Variants in VKORC1L1 observed in about 807,000 individuals in gnomAD.
VKORC1L1 encodes the protein vitamin K epoxide reductase complex subunit 1L1, also known as vitamin K epoxide reductase complex subunit 1-like protein 1.
In VKORC1L1, 2 loss-of-function variants were observed where a neutral mutation model predicts 18.9. The observed-to-expected ratio is 0.11, with a 90% CI of 0.04 to 0.33. The LOEUF is 0.33. VKORC1L1 is among the 10% of genes least tolerant of loss of function. The pLI, the probability that VKORC1L1 is intolerant of heterozygous loss-of-function variation, is 1.00. For missense variants in VKORC1L1, 123 were observed against 224.1 expected (o/e 0.55, Z 2.88); for synonymous variants, 96 against 100.0 (o/e 0.96, Z 0.24).
At chr7:65,870,959 A>G (rs1364871365), upstream of VKORC1L1, among the ~76,000 whole-genome samples, 1 of 151,976 alleles carries the variant, frequency 6.6e-6, no homozygotes, top group Non-Finnish European at 1.5e-5. Flanking sequence ...AATTTTGTAT[A>G]TATTTTTGCA....
At chr7:65,949,279 A>T (rs1024400588) in intron 2 of VKORC1L1, among the ~76,000 whole-genome samples, 3 of 152,074 alleles carry the variant, frequency 2.0e-5, no homozygotes, top group Non-Finnish European at 4.4e-5. Flanking sequence ...TGGGAGTTCG[A>T]GACCAGCCTG....
chr7:65,932,360 A>T (rs772218080), intron 1 of VKORC1L1, among the ~76,000 whole-genome samples: 1 of 152,056 alleles, frequency 6.6e-6, no homozygotes, highest in Non-Finnish European at 1.5e-5. Flanking sequence ...GGCCTCCCAG[A>T]GTGCTGAGAT....
At chr7:65,922,912 T>G in intron 1 of VKORC1L1, among the ~76,000 whole-genome samples, 1 of 152,190 alleles carries the variant, frequency 6.6e-6, no homozygotes, top group East Asian at 1.9e-4. Context: ...GGTTCAACTC[T>G]TCTTGAATCT....
chr7:65,898,506 G>T (rs1789256195), intron 1 of VKORC1L1, among the ~76,000 whole-genome samples: 1 of 152,106 alleles, frequency 6.6e-6, no homozygotes, highest in Non-Finnish European at 1.5e-5. Flanking sequence ...CACCGTTTGT[G>T]TATGGGTGTG....
intron 1 of VKORC1L1, among the ~76,000 whole-genome samples, chr7:65,914,197 G>A (rs1789550066): frequency 6.6e-6 from 1 of 152,036 alleles, no homozygotes; most frequent in South Asian, 2.1e-4. Context: ...GGGCTCAAGC[G>A]ATCCTCCCAC....
intron 1 of VKORC1L1, among the ~76,000 whole-genome samples, chr7:65,915,073 A>C (rs945017528): frequency 4.0e-5 from 5 of 124,298 alleles, no homozygotes; most frequent in Non-Finnish European, 7.0e-5. Flanking sequence ...TTGTGAGCTT[A>C]TTTTTTTTCT....
At chr7:65,879,037 G>T (rs1788878578) in intron 1 of VKORC1L1, among the ~76,000 whole-genome samples, 1 of 151,900 alleles carries the variant, frequency 6.6e-6, no homozygotes, top group Non-Finnish European at 1.5e-5. Context: ...CCGCTCAGTA[G>T]ACCGCTGTGA....
chr7:65,919,526 T>C (rs1342204547), intron 1 of VKORC1L1, among the ~76,000 whole-genome samples: 2 of 152,144 alleles, frequency 1.3e-5, no homozygotes, highest in South Asian at 2.1e-4. Context: ...CTCTGTGTCA[T>C]CTTAGACCAT....
At chr7:65,909,184 A>G (rs574414504) in intron 1 of VKORC1L1, among the ~76,000 whole-genome samples, 2 of 138,740 alleles carry the variant, frequency 1.4e-5, no homozygotes, top group Non-Finnish European at 3.1e-5. Context: ...GGGTTTTGCC[A>G]TGTTAGCCAG....
At chr7:65,903,132 C>T (rs1229061960) in intron 1 of VKORC1L1, among the ~76,000 whole-genome samples, 1 of 151,104 alleles carries the variant, frequency 6.6e-6, no homozygotes, top group Non-Finnish European at 1.5e-5. Context: ...TCCCAAAGTG[C>T]TGGGATTACA....
chr7:65,936,771 C>T (rs1388275373), intron 1 of VKORC1L1, among the ~76,000 whole-genome samples: 1 of 152,198 alleles, frequency 6.6e-6, no homozygotes, highest in Non-Finnish European at 1.5e-5. Context: ...GCACCCCTTT[C>T]GCTGTTTCTC....
rs139562931 is a variant in VKORC1L1, at chr7:65,931,109, G to A, written c.195-17562G>A. ...TGATATATTATCCTTTCTGTATATT[G>A]CTGGATTTGATTTACCATATTTTGT... On this transcript the variant is annotated intron_variant, in intron 1 of 2. Coordinates refer to ENST00000360768, the MANE Select transcript of VKORC1L1 (RefSeq NM_173517.6). 3.0e-3 allele frequency among the ~76,000 whole-genome samples: 458 copies of A among 151,826 alleles called. 1 individual carries two copies. The highest frequency in any genetic ancestry group is 5.4e-3 in the Non-Finnish European group (366 of 67,956).
chr7:65,884,428 G>T (rs1788979338), intron 1 of VKORC1L1, among the ~76,000 whole-genome samples: 1 of 152,156 alleles, frequency 6.6e-6, no homozygotes, highest in African/African-American at 2.4e-5. Context: ...TCTGAGGTCA[G>T]GAGTTTGAGA....
At chr7:65,866,884 G>T in the VKORC1L1 span, among the ~76,000 whole-genome samples, 1 of 152,026 alleles carries the variant, frequency 6.6e-6, no homozygotes, top group African/African-American at 2.4e-5. Flanking sequence ...GGGGGAAGAA[G>T]AGGAGGAAGA....
intron 1 of VKORC1L1, among the ~76,000 whole-genome samples, chr7:65,924,062 G>C (rs1426172435): frequency 6.6e-6 from 1 of 152,158 alleles, no homozygotes; most frequent in African/African-American, 2.4e-5. Context: ...GCATGAGGTG[G>C]TACCACCCTA....
upstream of VKORC1L1, among the ~76,000 whole-genome samples, chr7:65,872,262 T>A (rs746188960): frequency 9.9e-5 from 15 of 152,218 alleles, no homozygotes; most frequent in Admixed American, 6.5e-4. Context: ...CTATATTATA[T>A]GAGTTATGGT....
chr7:65,900,064 T>C (rs1562988425), intron 1 of VKORC1L1, among the ~76,000 whole-genome samples: 2 of 71,100 alleles, frequency 2.8e-5, no homozygotes, highest in African/African-American at 7.0e-5. Flanking sequence ...TGTGTGTGTG[T>C]GTGTGTGTGT....
chr7:65,900,618 C>T (rs1161780242), intron 1 of VKORC1L1, among the ~76,000 whole-genome samples: 10 of 151,922 alleles, frequency 6.6e-5, no homozygotes, highest in East Asian at 3.9e-4. Flanking sequence ...GCCTGGCCAA[C>T]GAGGTGAAAC....
At position 65,879,649 on chromosome 7, in the gene VKORC1L1, T is replaced by TG. The variant is rs1562980352; in HGVS notation, c.194+6084_194+6085insG. Among the ~76,000 whole-genome samples the TG allele has an allele frequency of 4.7e-5, 4 of 84,728 alleles. No homozygotes were observed. The Admixed American group carries it at 5.5e-4, about 12-fold the overall frequency. 55.6% of individuals were successfully genotyped at this position (84,728 alleles called of 152,430 possible). ...GTCCAAGCTCTTTACCACTACTCTT[T>TG]CGTCTTCCTTTCTTCCTTTCCCTCC... On this transcript the variant is annotated intron_variant, in intron 1 of 2. Coordinates refer to ENST00000360768, the MANE Select transcript of VKORC1L1 (RefSeq NM_173517.6).
Sources: allele counts gnomAD v4.1 joint callset (sites outside exome capture counted in the v4.1 genomes callset), GRCh38; gene constraint gnomAD v4.1.1; transcripts MANE v1.5; gene names NCBI Gene and HGNC (gene_info 2026-07-23, HGNC 2026-07-21).